The following PHACTR1 variants were observed in gnomAD, a reference collection of about 807,000 sequenced individuals.
PHACTR1 encodes RPEL repeat containing 1.
In PHACTR1, 16 loss-of-function variants were observed where a neutral mutation model predicts 69.2. The ratio of observed to expected loss-of-function variants is 0.23; its 90% CI spans 0.16 to 0.35. PHACTR1 has a LOEUF of 0.35. Among genes scored for constraint, PHACTR1 ranks in the 10% least tolerant of loss-of-function variants. PHACTR1 has a pLI of 1.00. For synonymous variants in PHACTR1, 312 were observed against 284.5 expected (o/e 1.10, Z -0.97); for missense variants, 510 against 734.7 (o/e 0.69, Z 3.54).
chr6:13,033,015 G>T (rs1210637796), intron 4 of PHACTR1, among the ~76,000 whole-genome samples: 1 of 152,062 alleles, frequency 6.6e-6, no homozygotes, highest in East Asian at 1.9e-4. Flanking sequence ...CTCTATTTCT[G>T]AAAGTCGTAA....
Position 13,227,924 on chromosome 6 carries a change from G to A in PHACTR1, c.1095G>A (p.Val365=), listed in dbSNP as rs1280924287. The A allele has an allele frequency of 6.2e-7, 1 of 1,614,018 alleles. No homozygotes were observed. The highest frequency in any genetic ancestry group is 8.5e-7 in the Non-Finnish European group (1 of 1,179,898). Residue 365 remains valine, a synonymous_variant, in exon 9 of 15, where the codon GTG becomes GTA. Coordinates refer to ENST00000332995, the MANE Select transcript of PHACTR1 (RefSeq NM_030948.6). ...GPMGLPEIRQ[V]PTVVIECDDN... is the part of the protein sequence containing the mutation. ...TGGGCCTTCCAGAAATAAGACAAGTGCCAACTGTTGTGATTGAATGTGATG... is the reference window on the plus strand; with the variant it reads ...TGGGCCTTCCAGAAATAAGACAAGTACCAACTGTTGTGATTGAATGTGATG...
At chr6:13,208,198 C>T (rs778874649) in intron 8 of PHACTR1, among the ~76,000 whole-genome samples, 10 of 152,234 alleles carry the variant, frequency 6.6e-5, no homozygotes, top group East Asian at 3.9e-4. Flanking sequence ...TCTACGGAAA[C>T]GGAGTAGATG....
intron 4 of PHACTR1, among the ~76,000 whole-genome samples, chr6:12,877,891 T>A (rs112700235): frequency 1.3e-5 from 2 of 152,236 alleles, no homozygotes; most frequent in Non-Finnish European, 2.9e-5. Flanking sequence ...CCTCCTGGGC[T>A]TCTTGACTCT....
chr6:12,802,897 A>T (rs1773879125), intron 4 of PHACTR1, among the ~76,000 whole-genome samples: 3 of 152,182 alleles, frequency 2.0e-5, no homozygotes, highest in Admixed American at 2.0e-4. Flanking sequence ...TTGGTTTCCC[A>T]TTTTAAAAGA....
rs1423400511 is a variant in PHACTR1 at position 13,080,751 on chromosome 6, A to G, written c.415+27222A>G. Among the ~76,000 whole-genome samples the G allele has an allele frequency of 3.3e-5, 5 of 152,194 alleles. No individual in the cohort carries two copies. In the East Asian group the frequency reaches 9.6e-4, roughly 29 times the overall value. On this transcript the variant is annotated intron_variant, in intron 5 of 14. Transcript: ENST00000332995. ...ATGATATCACAAGAAGGAAAATATA[A>G]AAAGAAAACCTGGTAGAAATGACAA...
At chr6:13,089,141 T>C (rs899722190) in intron 5 of PHACTR1, among the ~76,000 whole-genome samples, 3 of 152,012 alleles carry the variant, frequency 2.0e-5, no homozygotes, top group Non-Finnish European at 2.9e-5. Context: ...ACAAACACAG[T>C]CCCCTCCCCC....
intron 8 of PHACTR1, among the ~76,000 whole-genome samples, chr6:13,222,475 C>A (rs1256383268): frequency 6.6e-6 from 1 of 152,234 alleles, no homozygotes; most frequent in Non-Finnish European, 1.5e-5. Context: ...CTTGTTGCAG[C>A]CCCCAGAATG....
intron 4 of PHACTR1, among the ~76,000 whole-genome samples, chr6:12,965,072 C>G (rs1313067149): frequency 1.3e-5 from 2 of 152,218 alleles, no homozygotes; most frequent in Admixed American, 6.5e-5. Flanking sequence ...TCATCTCTAG[C>G]TTACGTATAA....
At chr6:13,226,739 AT>A (rs34995550) in intron 8 of PHACTR1, among the ~76,000 whole-genome samples, 15,648 of 141,040 alleles carry the variant, frequency 0.11, 1,155 homozygotes, top group Admixed American at 0.23. Flanking sequence ...ACTTGTATAG[AT>A]TTTTTTTTTT....
At chr6:12,814,270 G>C (rs769881462) in intron 4 of PHACTR1, among the ~76,000 whole-genome samples, 6 of 152,188 alleles carry the variant, frequency 3.9e-5, no homozygotes, top group Non-Finnish European at 8.8e-5. Flanking sequence ...AAAGATCAGG[G>C]TTCTCCAGTC....
chr6:13,242,991 C>A (rs1773065947), intron 10 of PHACTR1, among the ~76,000 whole-genome samples: 1 of 152,220 alleles, frequency 6.6e-6, no homozygotes, highest in Non-Finnish European at 1.5e-5. Context: ...CTGCTTTCAA[C>A]TGGAAAAGAC....
chr6:12,875,774 A>G (rs1245810134), intron 4 of PHACTR1, among the ~76,000 whole-genome samples: 2 of 152,176 alleles, frequency 1.3e-5, no homozygotes, highest in African/African-American at 4.8e-5. Context: ...TGTGTTGTCA[A>G]TATTTTTCGA....
intron 5 of PHACTR1, among the ~76,000 whole-genome samples, chr6:13,113,758 G>A (rs771499075): frequency 4.1e-4 from 62 of 152,096 alleles, no homozygotes; most frequent in Admixed American, 7.2e-4. Context: ...GGCCCTGTCC[G>A]GTGTAGGAAG....
intron 4 of PHACTR1, among the ~76,000 whole-genome samples, chr6:12,924,541 G>A (rs1281013037): frequency 2.0e-5 from 3 of 152,110 alleles, no homozygotes; most frequent in Non-Finnish European, 4.4e-5. Context: ...TTGGGAGGCC[G>A]AGGTGGGTGG....
intron 4 of PHACTR1, among the ~76,000 whole-genome samples, chr6:12,765,440 T>G (rs73722820): frequency 0.079 from 12,004 of 152,246 alleles, 549 homozygotes; most frequent in Admixed American, 0.11. Context: ...TGCTCAAAGG[T>G]TATTTGTTGA....
intron 4 of PHACTR1, among the ~76,000 whole-genome samples, chr6:12,985,095 A>C (rs1040156842): frequency 6.6e-6 from 1 of 152,208 alleles, no homozygotes; most frequent in African/African-American, 2.4e-5. Flanking sequence ...AACCAACTAA[A>C]ATTTATTTTT....
At chr6:13,155,093 A>G (rs1201021814) in intron 5 of PHACTR1, among the ~76,000 whole-genome samples, 1 of 152,126 alleles carries the variant, frequency 6.6e-6, no homozygotes, top group Non-Finnish European at 1.5e-5. Flanking sequence ...AAGCAACTTC[A>G]TCTTGGATGC....
At chr6:13,267,066 C>G (rs1163272994) in intron 10 of PHACTR1, 1 of 152,262 alleles carries the variant, frequency 6.6e-6, no homozygotes, top group Non-Finnish European at 1.5e-5. Context: ...GCACCAAGTG[C>G]CTCACCATGG....
intron 10 of PHACTR1, among the ~76,000 whole-genome samples, chr6:13,232,740 TC>T (rs1195228421): frequency 6.6e-6 from 1 of 152,006 alleles, no homozygotes; most frequent in African/African-American, 2.4e-5. Context: ...TAGAACGAGA[TC>T]TCGGTTCTGA....
Sources: allele counts gnomAD v4.1 joint callset (sites outside exome capture counted in the v4.1 genomes callset), GRCh38; gene constraint gnomAD v4.1.1; transcripts MANE v1.5; gene names NCBI Gene and HGNC (gene_info 2026-07-23, HGNC 2026-07-21).